DKC1: variants seen among roughly 807,000 people sequenced by gnomAD.
DKC1 encodes the protein H/ACA ribonucleoprotein complex subunit DKC1.
In DKC1, 4 loss-of-function variants were observed where a neutral mutation model predicts 46.7. That is an observed-to-expected ratio of 0.09 (90% CI 0.04 to 0.20). DKC1 has a LOEUF of 0.20. DKC1 is among the 10% of genes least tolerant of loss of function. The pLI, the probability that DKC1 is intolerant of heterozygous loss-of-function variation, is 1.00. For missense variants in DKC1, 171 were observed against 404.2 expected (o/e 0.42, Z 4.95); for synonymous variants, 141 against 142.4 (o/e 0.99, Z 0.07).
chrX:154,776,161 C>T, intron 13 of DKC1, 26 bp from the exon 14 acceptor site: 1 of 1,211,273 alleles, frequency 8.3e-7, no homozygotes, highest in Non-Finnish European at 1.1e-6. Context: ...CAAGATCTAA[C>T]ACTTAACCAA....
chrX:154,766,376 T>C lies in DKC1; in HGVS notation c.424T>C (p.Leu142=). The change falls in exon 5 of 15, where the codon TTG becomes CTG. Residue 142 remains leucine, a synonymous_variant. Transcript: ENST00000369550. Reference sequence around the variant, plus strand: ...CGTGTGCATAGAACGAGCCACTCGCTTGGTGAAGTCACAACAGAGTGCAGG... The same window carrying C: ...CGTGTGCATAGAACGAGCCACTCGCCTGGTGAAGTCACAACAGAGTGCAGG... ...LIVCIERATR[L]VKSQQSAGKE... is the part of the protein sequence containing the mutation. 1 of 1,211,085 alleles carries C rather than the reference T, an allele frequency of 8.3e-7. No individual in the cohort carries two copies. The highest frequency in any genetic ancestry group is 1.1e-6 in the Non-Finnish European group (1 of 895,275).
chrX:154,770,644 T>C, intron 9 of DKC1, 115 bp from the exon 10 acceptor site: 1 of 1,021,850 alleles, frequency 9.8e-7, no homozygotes, highest in South Asian at 1.9e-5. Flanking sequence ...GCTATAAGTG[T>C]CATCCCTGTT....
intron 9 of DKC1, among the ~76,000 whole-genome samples, chrX:154,770,443 CAGAG>C (rs1458411849): frequency 2.1e-4 from 17 of 80,182 alleles, no homozygotes; most frequent in African/African-American, 8.3e-4. Context: ...CCCTGGACAA[CAGAG>C]GGAGGTTCTG....
rs121912291 is a variant in DKC1 at position 154,770,808 on chromosome X, G to A, written c.965G>A (p.Arg322Gln). The A allele has an allele frequency of 1.7e-6, 2 of 1,211,252 alleles. No individual in the cohort carries two copies. The highest frequency in any genetic ancestry group is 1.8e-5 in the South Asian group (1 of 57,000). Reference protein sequence around the residue: ...GAKIMLPGVLRYEDGIEVNQE... With the variant: ...GAKIMLPGVLQYEDGIEVNQE... ...AAGATTATGCTTCCAGGTGTTCTTC[G>A]ATATGAGGACGGCATTGAGGTCAAT... The change falls in exon 10 of 15, where the codon CGA becomes CAA. Residue 322 changes from arginine (R) to glutamine (Q), a missense_variant. Coordinates refer to ENST00000369550, the MANE Select transcript of DKC1 (RefSeq NM_001363.5).
At position 154,776,298 on chromosome X, in the gene DKC1, G is replaced by T. The variant is rs1557265693; in HGVS notation, c.1450G>T (p.Glu484Ter). ...GGACAAGAAGGCCAAAGCTGGTCTG[G>T]AGAGCGGGGCCGAGCCTGGAGATGG... ...KKDKKAKAGL[E>*]SGAEPGDGDS... The change falls in exon 14 of 15, where the codon GAG becomes TAG. Residue 484 changes from glutamate to a stop codon, truncating the protein, a stop_gained. Coordinates refer to ENST00000369550, the MANE Select transcript of DKC1 (RefSeq NM_001363.5). LOFTEE classifies it high-confidence loss of function. 8.3e-7 allele frequency: 1 copy of T among 1,203,320 alleles called. No individual in the cohort carries two copies. Among genetic ancestry groups the T allele is most frequent in the East Asian group, 3.0e-5 (1 of 33,489 alleles).
chrX:154,765,617 T>C, intron 3 of DKC1, 87 bp downstream of exon 3: 1 of 776,834 alleles, frequency 1.3e-6, no homozygotes, highest in African/African-American at 2.0e-5. Context: ...TGCTTACTGC[T>C]GGCATCCTTG....
chrX:154,764,248 A>G (rs1341212952), intron 1 of DKC1, among the ~76,000 whole-genome samples: 2 of 108,443 alleles, frequency 1.8e-5, no homozygotes, highest in Non-Finnish European at 3.8e-5. Context: ...TTATATATAT[A>G]TAGTACACAA....
rs782039990 is a variant in DKC1 at position 154,762,918 on chromosome X, C to G, written c.-48C>G. The G allele has an allele frequency of 2.2e-5, 26 of 1,167,700 alleles. No individual in the cohort carries two copies. In the South Asian group the frequency reaches 3.0e-4, roughly 14 times the overall value. On this transcript the variant is annotated 5_prime_UTR_variant, in exon 1 of 15. Transcript: ENST00000369550. Reference sequence around the variant, plus strand: ...GACCAAGGCGGCGGGAGTCTGCGGTCGTTCCCTCGGCTGTGGACCGGGCGG... The same window carrying G: ...GACCAAGGCGGCGGGAGTCTGCGGTGGTTCCCTCGGCTGTGGACCGGGCGG...
chrX:154,772,767 G>C (rs980553746), intron 10 of DKC1, among the ~76,000 whole-genome samples: 12 of 112,180 alleles, frequency 1.1e-4, no homozygotes, highest in Non-Finnish European at 2.3e-4. Context: ...GAGCAGGCAA[G>C]GCAGCCACGG....
chrX:154,774,774 T>C (rs1557265457), intron 12 of DKC1, 69 bp downstream of exon 12: 1 of 940,112 alleles, frequency 1.1e-6, no homozygotes, highest in Middle Eastern at 2.6e-4. Flanking sequence ...TGCAGGAGTA[T>C]GTCAACAACA....
rs191011451 is a variant in DKC1 at position 154,766,840 on chromosome X, A to T, written c.449-157A>T. On this transcript the variant is annotated intron_variant, in intron 5 of 14. Coordinates refer to ENST00000369550, the MANE Select transcript of DKC1 (RefSeq NM_001363.5). Reference sequence around the variant, plus strand: ...AAGTGTCTTCATTCTTTCCCACATCATCACCATGAAATCTCTCTTAATGCA... The same window carrying T: ...AAGTGTCTTCATTCTTTCCCACATCTTCACCATGAAATCTCTCTTAATGCA... Among the ~76,000 whole-genome samples, 16 of 112,306 alleles carry T rather than the reference A, an allele frequency of 1.4e-4. No homozygotes were observed. The Admixed American group carries it at 1.5e-3, about 11-fold the overall frequency.
chrX:154,772,320 C>G (rs1165224219), intron 10 of DKC1, among the ~76,000 whole-genome samples: 2 of 111,840 alleles, frequency 1.8e-5, no homozygotes, highest in Admixed American at 9.5e-5. Flanking sequence ...TCTAGTTTTC[C>G]CAGCACCATT....
At chrX:154,765,167 G>A in intron 2 of DKC1, 1 of 474,918 alleles carries the variant, frequency 2.1e-6, no homozygotes, top group Non-Finnish European at 3.7e-6. Flanking sequence ...AAATGGTGCT[G>A]GCCTTACCAA....
chrX:154,763,061 C>T, intron 1 of DKC1, 80 bp downstream of exon 1: 3 of 1,075,967 alleles, frequency 2.8e-6, no homozygotes, highest in Non-Finnish European at 1.3e-6. Context: ...TCGGGGCCCG[C>T]GCACGCCTCC....
Position 154,768,295 on chromosome X carries a change from A to G in DKC1, c.641-7A>G, listed in dbSNP as rs1557264470. 2 of 1,210,888 alleles carry G rather than the reference A, an allele frequency of 1.7e-6. No homozygotes were observed. Among genetic ancestry groups the G allele is most frequent in the South Asian group, 3.5e-5 (2 of 56,952 alleles). On this transcript the variant is annotated splice_region_variant and splice_polypyrimidine_tract_variant and intron_variant, in intron 7 of 14. Transcript: ENST00000369550. ...TGCTGCTTTTCTTTTGTGTGTGTGTATCTTAGGAATCTTTTGGGTGAGTTG... is the reference window on the plus strand; with the variant it reads ...TGCTGCTTTTCTTTTGTGTGTGTGTGTCTTAGGAATCTTTTGGGTGAGTTG...
At chrX:154,769,659 C>G (rs2071796668) in intron 9 of DKC1, among the ~76,000 whole-genome samples, 1 of 111,870 alleles carries the variant, frequency 8.9e-6, no homozygotes, top group Non-Finnish European at 1.9e-5. Flanking sequence ...TTGTCTTTTT[C>G]TCTAACTTGA....
chrX:154,771,092 A>G lies in DKC1; in HGVS notation c.1036+213A>G, dbSNP rs782808490. 2.7e-5 allele frequency among the ~76,000 whole-genome samples: 3 copies of G among 110,494 alleles called. No individual in the cohort carries two copies. The South Asian group carries it at 1.1e-3, about 42-fold the overall frequency. On this transcript the variant is annotated intron_variant, in intron 10 of 14. Transcript: ENST00000369550. ...TATTTATCACCTTAGTTATTTTAAA[A>G]TATACACTTAAGTTATTATTGATTA...
At position 154,773,202 on chromosome X, in the gene DKC1, A is replaced by G. The variant is rs1557265137; in HGVS notation, c.1108A>G (p.Ile370Val). 3.3e-6 allele frequency: 4 copies of G among 1,202,787 alleles called. No individual in the cohort carries two copies. Among genetic ancestry groups the G allele is most frequent in the Non-Finnish European group, 4.5e-6 (4 of 891,196 alleles). The change falls in exon 11 of 15, where the codon ATC becomes GTC. Residue 370 changes from isoleucine (I) to valine (V), a missense_variant. Physicochemically the swap from Ile to Val is conservative, Grantham distance 29 (BLOSUM62 3). Around this residue, in one of 4 missense-constraint regions of DKC1, gnomAD observed 60 missense variants for 206.5 expected, o/e 0.29. Transcript: ENST00000369550. ...TATAGTAGCCAAGATCAAGAGAGTG[A>G]TCATGGAGAGAGACACTTACCCTCG... is the stretch of plus-strand genomic sequence containing the variant. ...HGIVAKIKRV[I>V]MERDTYPRKW... is the part of the protein sequence containing the mutation.
chrX:154,769,117 G>GT (rs1557264632), intron 8 of DKC1, 50 bp from the exon 9 acceptor site: 6 of 1,191,676 alleles, frequency 5.0e-6, no homozygotes, highest in Non-Finnish European at 5.7e-6. Flanking sequence ...GGGTCTGATG[G>GT]GCTGAGATAC....
Sources: gnomAD v4.1 joint callset for allele counts (sites outside exome capture counted in the v4.1 genomes callset) on GRCh38, gnomAD v4.1.1 for gene constraint, gnomAD v4.1.1 regional missense constraint, MANE v1.5 for transcripts, NCBI Gene and HGNC (gene_info 2026-07-23, HGNC 2026-07-21) for gene names.